Variants in AGTPBP1 observed in about 807,000 individuals in gnomAD.
AGTPBP1 encodes cytosolic carboxypeptidase 1.
A neutral mutation model predicts 143.9 loss-of-function variants in AGTPBP1; 70 were observed. That is an observed-to-expected ratio of 0.49 (90% CI 0.40 to 0.59). The LOEUF (loss-of-function observed/expected upper bound fraction) is 0.59. AGTPBP1 is among the 20% of genes least tolerant of loss of function. The pLI, the probability that AGTPBP1 is intolerant of heterozygous loss-of-function variation, is 0.00. For missense variants in AGTPBP1, 1,229 were observed against 1,464.5 expected, an observed-to-expected ratio of 0.84 and a Z score of 2.62; for synonymous variants, 463 against 500.2, an observed-to-expected ratio of 0.93 and a Z score of 0.99.
the AGTPBP1 span, among the ~76,000 whole-genome samples, chr9:85,770,883 G>A: frequency 2.6e-5 from 4 of 151,990 alleles, no homozygotes; most frequent in Admixed American, 6.6e-5. Context: ...TTGCTGCAGG[G>A]TAGGGGAATC....
chr9:85,590,199 A>G (rs959501189), intron 19 of AGTPBP1, among the ~76,000 whole-genome samples: 3 of 152,174 alleles, frequency 2.0e-5, no homozygotes, highest in Admixed American at 1.3e-4. Context: ...AAGACAGCAA[A>G]AAAATTACAA....
the AGTPBP1 span, among the ~76,000 whole-genome samples, chr9:85,779,176 T>TATATAG: frequency 0.061 from 8,176 of 133,546 alleles, 434 homozygotes; most frequent in East Asian, 0.13. Context: ...TAATAGGAGA[T>TATATAG]ATATAGATAT....
intron 14 of AGTPBP1, among the ~76,000 whole-genome samples, chr9:85,630,391 C>CTTACTTACTTACTTATTTATTTATTTAT (rs777830669): frequency 1.1e-4 from 16 of 151,486 alleles, no homozygotes; most frequent in South Asian, 4.2e-4. Context: ...TACTTACTTA[C>CTTACTTACTTACTTATTTATTTATTTAT]TTATTTATTT....
intron 3 of AGTPBP1, among the ~76,000 whole-genome samples, chr9:85,683,089 C>T (rs1835288631): frequency 6.6e-6 from 1 of 152,120 alleles, no homozygotes; most frequent in Non-Finnish European, 1.5e-5. Context: ...AACAGAAACT[C>T]CCGTAAGTGA....
the AGTPBP1 span, among the ~76,000 whole-genome samples, chr9:85,751,805 C>T: frequency 1.3e-5 from 2 of 151,774 alleles, no homozygotes; most frequent in African/African-American, 2.4e-5. Context: ...CGGGGTTTCC[C>T]CATGTTGGCC....
At chr9:85,764,848 A>G in the AGTPBP1 span, 2 of 1,305,854 alleles carry the variant, frequency 1.5e-6, no homozygotes, top group East Asian at 2.3e-5. Context: ...TCCTCCAGAA[A>G]GAAAAGGATC....
chr9:85,657,418 A>G lies in AGTPBP1; in HGVS notation c.909+17T>C. The G allele has an allele frequency of 1.3e-6, 2 of 1,584,274 alleles. No individual in the cohort carries two copies. Among genetic ancestry groups the G allele is most frequent in the East Asian group, 2.2e-5 (1 of 44,598 alleles). On this transcript the variant is annotated intron_variant, in intron 10 of 25. Transcript: ENST00000357081. ...TTATTAGTACATAATCACAATAATA[A>G]GAAGAAAATAACTCACTTGCGAAGT...
intron 17 of AGTPBP1, among the ~76,000 whole-genome samples, chr9:85,609,529 C>A (rs1830191284): frequency 6.6e-6 from 1 of 152,188 alleles, no homozygotes; most frequent in East Asian, 1.9e-4. Context: ...GATCCGCCTG[C>A]CTTGGCCTCC....
intron 3 of AGTPBP1, among the ~76,000 whole-genome samples, chr9:85,682,364 G>A (rs1038865833): frequency 6.6e-6 from 1 of 151,852 alleles, no homozygotes; most frequent in Non-Finnish European, 1.5e-5. Context: ...TCAACCCTCT[G>A]GGGAAAAAAA....
chr9:85,722,268 C>T (rs970023130), intron 1 of AGTPBP1, among the ~76,000 whole-genome samples: 1 of 152,168 alleles, frequency 6.6e-6, no homozygotes, highest in Non-Finnish European at 1.5e-5. Context: ...AGATTGTTTT[C>T]TAACTTGCAT....
intron 1 of AGTPBP1, among the ~76,000 whole-genome samples, chr9:85,727,891 G>A (rs1378742271): frequency 1.3e-5 from 2 of 152,038 alleles, no homozygotes; most frequent in African/African-American, 2.4e-5. Context: ...AGCTGGGCAT[G>A]GTGGCATATG....
At chr9:85,668,204 T>C (rs12352270) in intron 8 of AGTPBP1, among the ~76,000 whole-genome samples, 3,583 of 152,220 alleles carry the variant, frequency 0.024, 130 homozygotes, top group African/African-American at 0.075. Flanking sequence ...TACATTTGTG[T>C]AGGCTTGGAA....
intron 11 of AGTPBP1, among the ~76,000 whole-genome samples, chr9:85,653,943 A>G (rs1021463192): frequency 9.9e-5 from 15 of 152,232 alleles, no homozygotes; most frequent in Admixed American, 5.2e-4. Context: ...ACTTAGTCTT[A>G]GACTTTTCAA....
intron 2 of AGTPBP1, among the ~76,000 whole-genome samples, chr9:85,710,647 T>G (rs62570589): frequency 6.6e-6 from 1 of 151,996 alleles, no homozygotes; most frequent in Non-Finnish European, 1.5e-5. Context: ...AGACGAAGAC[T>G]ATTTGCAGTG....
At chr9:85,774,271 A>G in the AGTPBP1 span, among the ~76,000 whole-genome samples, 1 of 152,094 alleles carries the variant, frequency 6.6e-6, no homozygotes, top group Admixed American at 6.5e-5. Context: ...GCACATAAGA[A>G]CTGCTACAAT....
rs1823863301 is a variant in AGTPBP1 at position 85,737,274 on chromosome 9, TAAAG to T, written c.-34+4497_-34+4500del. On this transcript the variant is annotated intron_variant, in intron 1 of 25. Transcript: ENST00000357081. ...ACAATAGTTGATGGCTGTCTCAAAG[TAAAG>T]TGCTTCTGTAACTGAATTGACAGCT... Among the ~76,000 whole-genome samples the T allele has an allele frequency of 2.0e-5, 3 of 152,200 alleles. No homozygotes were observed. In the South Asian group the frequency reaches 6.2e-4, roughly 31 times the overall value.
chr9:85,770,314 G>T, the AGTPBP1 span: 1 of 1,605,224 alleles, frequency 6.2e-7, no homozygotes, highest in Non-Finnish European at 8.5e-7. Flanking sequence ...ACTTGAAGAA[G>T]GGATTGAAGC....
At chr9:85,579,756 CTTA>C (rs1828129987) in intron 23 of AGTPBP1, among the ~76,000 whole-genome samples, 1 of 150,328 alleles carries the variant, frequency 6.7e-6, no homozygotes, top group East Asian at 1.9e-4. Context: ...ATGTATTAAA[CTTA>C]TTATCATTAT....
At chr9:85,718,909 C>A (rs1249779247) in intron 1 of AGTPBP1, among the ~76,000 whole-genome samples, 3 of 152,130 alleles carry the variant, frequency 2.0e-5, no homozygotes, top group Non-Finnish European at 4.4e-5. Flanking sequence ...TTCCCAACAC[C>A]ATTTATTAAA....
Sources: allele counts gnomAD v4.1 joint callset (sites outside exome capture counted in the v4.1 genomes callset), GRCh38; gene constraint gnomAD v4.1.1; transcripts MANE v1.5; gene names NCBI Gene and HGNC (gene_info 2026-07-23, HGNC 2026-07-21).